Variants in DMD observed in about 807,000 individuals in gnomAD.
DMD encodes the protein dystrophin.
Under a neutral mutation model 330.1 loss-of-function variants are expected in DMD, and 63 were observed. The observed-to-expected ratio is 0.19, with a 90% CI of 0.16 to 0.24. The LOEUF (loss-of-function observed/expected upper bound fraction) is 0.24, where lower values mean the gene tolerates loss of function less well. DMD is among the 10% of genes least tolerant of loss of function. The pLI is 1.00. For synonymous variants in DMD, 1,223 were observed against 959.8 expected, an observed-to-expected ratio of 1.27 and a Z score of -5.07; for missense variants, 3,344 against 2,684.1, an observed-to-expected ratio of 1.25 and a Z score of -5.43.
chrX:32,349,922 C>T (rs765914059), intron 37 of DMD, among the ~76,000 whole-genome samples: 6 of 111,085 alleles, frequency 5.4e-5, no homozygotes, highest in African/African-American at 1.6e-4. Context: ...TTAGCAATTA[C>T]GGTACAATAA....
chrX:31,454,934 G>C (rs769002225), intron 59 of DMD, among the ~76,000 whole-genome samples: 1 of 95,952 alleles, frequency 1.0e-5, no homozygotes, highest in South Asian at 5.1e-4. Flanking sequence ...ATATTTTTAA[G>C]TTAGTTTTTT....
At chrX:32,225,559 A>G in intron 43 of DMD, among the ~76,000 whole-genome samples, 1 of 111,710 alleles carries the variant, frequency 9.0e-6, no homozygotes, top group Non-Finnish European at 1.9e-5. Context: ...CCCAAATCTC[A>G]TATTAAATTG....
intron 44 of DMD, among the ~76,000 whole-genome samples, chrX:32,208,760 T>C (rs2097081763): frequency 8.9e-6 from 1 of 112,052 alleles, no homozygotes. Flanking sequence ...CAGTATCTGC[T>C]TTGCACACAG....
chrX:32,444,128 G>A (rs2098293777), intron 27 of DMD, among the ~76,000 whole-genome samples: 1 of 110,655 alleles, frequency 9.0e-6, no homozygotes, highest in Admixed American at 9.7e-5. Flanking sequence ...AGGCAAGCCA[G>A]GGAAATGGGA....
chrX:32,833,712 C>G (rs1447775011), intron 4 of DMD, among the ~76,000 whole-genome samples: 1 of 87,234 alleles, frequency 1.1e-5, no homozygotes, highest in Non-Finnish European at 2.3e-5. Context: ...AAAAAAAAAG[C>G]AATAGCTACA....
intron 37 of DMD, among the ~76,000 whole-genome samples, chrX:32,361,366 C>G (rs2097833674): frequency 1.8e-5 from 2 of 111,321 alleles, no homozygotes; most frequent in African/African-American, 6.5e-5. Flanking sequence ...ATATTTGTGA[C>G]AGTTAACTAC....
intron 44 of DMD, among the ~76,000 whole-genome samples, chrX:32,117,602 T>C: frequency 8.9e-6 from 1 of 111,996 alleles, no homozygotes; most frequent in Non-Finnish European, 1.9e-5. Flanking sequence ...TGACATTAAG[T>C]AGCTTCTTTT....
At chrX:32,975,557 T>C (rs1373300743) in intron 2 of DMD, among the ~76,000 whole-genome samples, 1 of 109,878 alleles carries the variant, frequency 9.1e-6, no homozygotes, top group Non-Finnish European at 1.9e-5. Context: ...AACAAAGAGC[T>C]CTATTTCAAG....
chrX:32,313,800 G>A (rs977910140), intron 41 of DMD, among the ~76,000 whole-genome samples: 1 of 111,149 alleles, frequency 9.0e-6, no homozygotes, highest in African/African-American at 3.3e-5. Flanking sequence ...ATTAAAAATT[G>A]CTACAAAGAG....
chrX:32,975,809 C>T (rs1159178786), intron 2 of DMD, among the ~76,000 whole-genome samples: 1 of 111,352 alleles, frequency 9.0e-6, no homozygotes, highest in Non-Finnish European at 1.9e-5. Context: ...ATCAAAGGGG[C>T]CTGGGATTTT....
chrX:33,318,977 G>T (rs2053974991), intron 1 of DMD, among the ~76,000 whole-genome samples: 1 of 111,041 alleles, frequency 9.0e-6, no homozygotes. Context: ...AGGGGGTGAG[G>T]TCTTTAGGTT....
Position 31,773,942 on chromosome X carries a change from T to C in DMD, c.7542+18A>G. On this transcript the variant is annotated intron_variant, in intron 51 of 78. Transcript: ENST00000357033. ...TTAAAGAAAAACTTCTGCCAACTTT[T>C]ATCATTTTTTCTCATACCTTCTGCT... is the stretch of plus-strand genomic sequence containing the variant. 2 of 1,190,366 alleles carry C rather than the reference T, an allele frequency of 1.7e-6. No homozygotes were observed. Among genetic ancestry groups the C allele is most frequent in the Non-Finnish European group, 2.3e-6 (2 of 877,183 alleles).
chrX:31,248,460 T>C (rs1163525527), intron 63 of DMD, among the ~76,000 whole-genome samples: 1 of 112,258 alleles, frequency 8.9e-6, no homozygotes, highest in Non-Finnish European at 1.9e-5. Context: ...TCCTTTAAGA[T>C]CAGTTTCCTT....
chrX:31,823,330 T>G (rs35455786), intron 49 of DMD, among the ~76,000 whole-genome samples: 7,563 of 112,473 alleles, frequency 0.067, 256 homozygotes, highest in South Asian at 0.19. Context: ...GACTGAGTCC[T>G]CTATGCCTTG....
intron 12 of DMD, among the ~76,000 whole-genome samples, chrX:32,609,870 A>G (rs766713788): frequency 9.0e-6 from 1 of 111,447 alleles, no homozygotes; most frequent in South Asian, 3.7e-4. Context: ...TCTATGCACA[A>G]AAGTCTAAAT....
At chrX:32,432,435 C>T (rs2098242190) in intron 29 of DMD, among the ~76,000 whole-genome samples, 1 of 111,730 alleles carries the variant, frequency 9.0e-6, no homozygotes, top group South Asian at 3.7e-4. Flanking sequence ...TAAAGGTTTA[C>T]TTATACTTCT....
chrX:32,465,482 TCAA>T (rs2098398521), intron 23 of DMD, among the ~76,000 whole-genome samples: 1 of 110,887 alleles, frequency 9.0e-6, no homozygotes, highest in African/African-American at 3.3e-5. Context: ...TAAGAGAACT[TCAA>T]GACGATCACC....
chrX:31,157,278 T>A (rs1272389035), intron 74 of DMD, among the ~76,000 whole-genome samples: 8 of 112,228 alleles, frequency 7.1e-5, no homozygotes, highest in African/African-American at 2.6e-4. Context: ...ATGACTGAGA[T>A]GTTTTTCACA....
At chrX:33,275,103 T>C (rs116599114) in intron 1 of DMD, among the ~76,000 whole-genome samples, 3,567 of 112,234 alleles carry the variant, frequency 0.032, 147 homozygotes, top group African/African-American at 0.11. Flanking sequence ...TCATGCCAAA[T>C]TTAAAATTCA....
Sources: gnomAD v4.1 joint callset for allele counts (sites outside exome capture counted in the v4.1 genomes callset) on GRCh38, gnomAD v4.1.1 for gene constraint, MANE v1.5 for transcripts, NCBI Gene and HGNC (gene_info 2026-07-23, HGNC 2026-07-21) for gene names.